The following SLAIN1 variants were observed in gnomAD, a reference collection of about 807,000 sequenced individuals.
The protein encoded by SLAIN1 is SLAIN motif-containing protein 1.
Under a neutral mutation model 55.4 loss-of-function variants are expected in SLAIN1, and 17 were observed. That is an observed-to-expected ratio of 0.31 (90% CI 0.21 to 0.46). The LOEUF is 0.46. Among genes scored for constraint, SLAIN1 ranks in the 20% least tolerant of loss-of-function variants. SLAIN1 has a pLI of 1.00. For missense variants in SLAIN1, 682 were observed against 785.1 expected (o/e 0.87, Z 1.57); for synonymous variants, 348 against 337.4 (o/e 1.03, Z -0.35).
At position 77,705,777 on chromosome 13, in the gene SLAIN1, T is replaced by C. The variant is rs192426397; in HGVS notation, c.626+7238T>C. On this transcript the variant is annotated intron_variant, in intron 1 of 6. Transcript: ENST00000418532. ...AAAAGATGACTTTAGAACCAAATAT[T>C]TTGAGAATAACTGAGACTTTTTTTT... Among the ~76,000 whole-genome samples, 338 of 152,112 alleles carry C rather than the reference T, an allele frequency of 2.2e-3. 2 individuals are homozygous for C. The highest frequency in any genetic ancestry group is 4.8e-3 in the East Asian group (25 of 5,184).
intron 2 of SLAIN1, 101 bp downstream of exon 2, chr13:77,719,772 C>A: frequency 7.5e-7 from 1 of 1,325,800 alleles, no homozygotes; most frequent in Non-Finnish European, 1.0e-6. Context: ...AAAATTCTTA[C>A]CCTGAGGTGC....
intron 1 of SLAIN1, among the ~76,000 whole-genome samples, chr13:77,708,653 G>A (rs1210688435): frequency 6.6e-6 from 1 of 152,148 alleles, no homozygotes; most frequent in African/African-American, 2.4e-5. Context: ...AACCCCAGCA[G>A]ACCTGCAGCA....
chr13:77,698,755 C>T lies in SLAIN1; in HGVS notation c.626+216C>T. The T allele has an allele frequency of 3.5e-6, 4 of 1,134,700 alleles. No individual in the cohort carries two copies. The highest frequency in any genetic ancestry group is 4.8e-6 in the Non-Finnish European group (4 of 838,100). The allele number at this position is 1,134,700 out of a possible 1,614,324, so 70.3% of individuals were successfully genotyped here. A position where few individuals can be genotyped will look rare whatever the true frequency, so the allele number is the denominator to read the frequency against. ...GCAGAAACCTGTTTTCTAATCGCTC[C>T]GACTGCGGATGAACCGGCCCCCCCT... On this transcript the variant is annotated intron_variant, in intron 1 of 6. Transcript: ENST00000418532. The surrounding 1 kb of genome is among the most constrained non-coding windows in gnomAD (Gnocchi z 4.1).
intron 2 of SLAIN1, among the ~76,000 whole-genome samples, chr13:77,731,226 C>A (rs2154410002): frequency 6.6e-6 from 1 of 152,196 alleles, no homozygotes; most frequent in African/African-American, 2.4e-5. Flanking sequence ...TAAAGATAAA[C>A]TATTCCTTCA....
Position 77,698,609 on chromosome 13 carries a change from G to T in SLAIN1, c.626+70G>T. The T allele has an allele frequency of 7.5e-7, 1 of 1,334,326 alleles. No individual in the cohort carries two copies. The highest frequency in any genetic ancestry group is 9.5e-7 in the Non-Finnish European group (1 of 1,047,130). The allele number at this position is 1,334,326 out of a possible 1,614,324, so 82.7% of individuals were successfully genotyped here. On this transcript the variant is annotated intron_variant, in intron 1 of 6. Transcript: ENST00000418532. The surrounding 1 kb of genome is among the most constrained non-coding windows in gnomAD (Gnocchi z 4.1). Reference sequence around the variant, plus strand: ...GCTTCGGGCACCGGGGAGCGGGGGCGGGGGGCGGACGGGGGTCCCCTCGCG... The same window carrying T: ...GCTTCGGGCACCGGGGAGCGGGGGCTGGGGGCGGACGGGGGTCCCCTCGCG...
chr13:77,745,224 C>G (rs1167764495), intron 3 of SLAIN1, among the ~76,000 whole-genome samples: 1 of 151,920 alleles, frequency 6.6e-6, no homozygotes, highest in Non-Finnish European at 1.5e-5. Context: ...CTCTCTATCT[C>G]TTTCTGACAC....
chr13:77,711,848 C>T (rs2091154441), intron 1 of SLAIN1, among the ~76,000 whole-genome samples: 2 of 152,180 alleles, frequency 1.3e-5, no homozygotes, highest in African/African-American at 4.8e-5. Flanking sequence ...CAAATCGAAT[C>T]CAACAGCACA....
At chr13:77,751,536 A>G (rs563757250) in intron 4 of SLAIN1, among the ~76,000 whole-genome samples, 1 of 152,320 alleles carries the variant, frequency 6.6e-6, no homozygotes, top group South Asian at 2.1e-4. Context: ...TGTAAACACA[A>G]TAGATGTTTG....
intron 4 of SLAIN1, 22 bp downstream of exon 4, chr13:77,746,877 T>G: frequency 6.4e-7 from 1 of 1,561,500 alleles, no homozygotes; most frequent in Non-Finnish European, 8.7e-7. Context: ...GCTTTTTTGG[T>G]ATTTGATATG....
At chr13:77,732,603 C>G (rs918291569) in intron 2 of SLAIN1, among the ~76,000 whole-genome samples, 5 of 151,808 alleles carry the variant, frequency 3.3e-5, no homozygotes, top group African/African-American at 1.2e-4. Flanking sequence ...GACACACAGA[C>G]CTAAAGGGAA....
chr13:77,748,659 G>A (rs762603333), intron 4 of SLAIN1, among the ~76,000 whole-genome samples: 3 of 152,080 alleles, frequency 2.0e-5, no homozygotes, highest in African/African-American at 4.8e-5. Flanking sequence ...TCCCTTTATG[G>A]TAGTTTTATT....
At chr13:77,728,420 C>G (rs980946989) in intron 2 of SLAIN1, among the ~76,000 whole-genome samples, 1 of 152,160 alleles carries the variant, frequency 6.6e-6, no homozygotes, top group Non-Finnish European at 1.5e-5. Flanking sequence ...ACTTGAATGT[C>G]TATAACTATT....
intron 2 of SLAIN1, 30 bp from the exon 3 acceptor site, chr13:77,744,253 G>A (rs1873661596): frequency 6.7e-7 from 1 of 1,483,790 alleles, no homozygotes. Flanking sequence ...TCCTGCAGAT[G>A]GAAGAACACA....
At chr13:77,717,931 T>A (rs757742098) in intron 1 of SLAIN1, among the ~76,000 whole-genome samples, 8 of 152,100 alleles carry the variant, frequency 5.3e-5, no homozygotes, top group Non-Finnish European at 1.0e-4. Context: ...TAGGGAGAAG[T>A]ACCGTGTACT....
rs1461711884 is a variant in SLAIN1 at position 77,763,063 on chromosome 13, A to T, written c.1698-82A>T. The T allele has an allele frequency of 5.1e-6, 6 of 1,168,872 alleles. No homozygotes were observed. In the African/African-American group the frequency reaches 9.1e-5, roughly 18 times the overall value. The allele number at this position is 1,168,872 out of a possible 1,614,324, so 72.4% of individuals were successfully genotyped here. On this transcript the variant is annotated intron_variant, in intron 6 of 6. Transcript: ENST00000418532. ...TCATTACTGCAGTGGAAGAACATAG[A>T]TGGGAGAGTAGGTCAAAGTGAGTGA...
intron 1 of SLAIN1, among the ~76,000 whole-genome samples, chr13:77,707,507 A>G (rs2091102436): frequency 1.3e-5 from 2 of 152,176 alleles, no homozygotes; most frequent in East Asian, 1.9e-4. Flanking sequence ...TAAAAGGAAT[A>G]TTTCACATAT....
At chr13:77,709,424 C>A (rs578188109) in intron 1 of SLAIN1, among the ~76,000 whole-genome samples, 1 of 152,238 alleles carries the variant, frequency 6.6e-6, no homozygotes, top group African/African-American at 2.4e-5. Flanking sequence ...AACAAAGATA[C>A]TCCTCGAGAA....
chr13:77,747,124 G>A (rs531737602), intron 4 of SLAIN1, among the ~76,000 whole-genome samples: 289 of 151,880 alleles, frequency 1.9e-3, no homozygotes, highest in Middle Eastern at 6.8e-3. Flanking sequence ...TTTATTTTTA[G>A]TAGAGATGGG....
chr13:77,749,958 G>T (rs1480415544), intron 4 of SLAIN1, among the ~76,000 whole-genome samples: 1 of 152,162 alleles, frequency 6.6e-6, no homozygotes, highest in Non-Finnish European at 1.5e-5. Flanking sequence ...CAAATGTAAC[G>T]TATGGACCTT....
Sources: gnomAD v4.1 joint callset for allele counts (sites outside exome capture counted in the v4.1 genomes callset) on GRCh38, gnomAD v4.1.1 for gene constraint, Gnocchi (gnomAD v3.1) non-coding constraint, MANE v1.5 for transcripts, NCBI Gene and HGNC (gene_info 2026-07-23, HGNC 2026-07-21) for gene names.